NAALADL2: variants seen among roughly 807,000 people sequenced by gnomAD.
NAALADL2 encodes the protein inactive N-acetylated-alpha-linked acidic dipeptidase-like protein 2.
NAALADL2 carries 76 observed loss-of-function variants against 87.2 expected under a neutral mutation model. That is an observed-to-expected ratio of 0.87 (90% CI 0.72 to 1.05). The LOEUF (loss-of-function observed/expected upper bound fraction) is 1.05. Among genes scored for constraint, NAALADL2 ranks in the 50% least tolerant of loss-of-function variants. NAALADL2 has a pLI of 0.00. For missense variants in NAALADL2, 1,089 were observed against 945.8 expected, an observed-to-expected ratio of 1.15 and a Z score of -1.99; for synonymous variants, 354 against 331.0, an observed-to-expected ratio of 1.07 and a Z score of -0.75.
intron 11 of NAALADL2, among the ~76,000 whole-genome samples, chr3:175,628,648 ATTTTTATATTTATG>A (rs1727341022): frequency 7.0e-6 from 1 of 143,168 alleles, no homozygotes; most frequent in Non-Finnish European, 1.5e-5. Flanking sequence ...AATTATTTAT[ATTTTTATATTTATG>A]TATGGATTAT....
At chr3:175,249,668 TAA>T (rs1748651326) in intron 3 of NAALADL2, among the ~76,000 whole-genome samples, 1 of 152,180 alleles carries the variant, frequency 6.6e-6, no homozygotes, top group African/African-American at 2.4e-5. Flanking sequence ...CCTCCCAGTA[TAA>T]AAGTCTTATT....
At chr3:175,070,938 C>G (rs537207179) in intron 1 of NAALADL2, among the ~76,000 whole-genome samples, 9 of 152,104 alleles carry the variant, frequency 5.9e-5, no homozygotes, top group African/African-American at 1.7e-4. Flanking sequence ...GCTCTAGACC[C>G]TTTTTAAGAC....
chr3:175,522,878 C>T (rs1732844515), intron 9 of NAALADL2, among the ~76,000 whole-genome samples: 1 of 152,216 alleles, frequency 6.6e-6, no homozygotes, highest in Non-Finnish European at 1.5e-5. Context: ...AATTTCTCTA[C>T]ATATCCCTTA....
chr3:174,765,145 A>ACACAT lies in NAALADL2; in HGVS notation c.-9+27399_-9+27400insCACAT, dbSNP rs374203584. Among the ~76,000 whole-genome samples the ACACAT allele has an allele frequency of 1.3e-3, 190 of 142,410 alleles. No individual in the cohort carries two copies. In the East Asian group the frequency reaches 0.015, roughly 11 times the overall value. 93.4% of individuals were successfully genotyped at this position (142,410 alleles called of 152,430 possible). ...ACATACACACACACACACACACACGAGAGAGAGAGAGAGAGAGAGAGAGAG... is the reference window on the plus strand; with the variant it reads ...ACATACACACACACACACACACACGACACATGAGAGAGAGAGAGAGAGAGAGAGAG... On this transcript the variant is annotated intron_variant, in intron 3 of 3. Transcript: ENST00000434257.
chr3:175,713,614 G>A (rs1740834642), intron 11 of NAALADL2, among the ~76,000 whole-genome samples: 1 of 152,034 alleles, frequency 6.6e-6, no homozygotes, highest in Non-Finnish European at 1.5e-5. Context: ...AATTGATAAA[G>A]GCAGTTCCTA....
At chr3:174,588,200 G>T (rs185388536) in intron 2 of NAALADL2, among the ~76,000 whole-genome samples, 2 of 152,036 alleles carry the variant, frequency 1.3e-5, no homozygotes, top group African/African-American at 4.8e-5. Flanking sequence ...CGTAGTTCTC[G>T]TGCCATGGTT....
intron 5 of NAALADL2, among the ~76,000 whole-genome samples, chr3:175,326,032 CA>C (rs1221065826): frequency 6.6e-6 from 1 of 152,142 alleles, no homozygotes; most frequent in Non-Finnish European, 1.5e-5. Context: ...CATTTTAAAA[CA>C]TTTTTCACTT....
At chr3:175,328,685 A>G (rs543258147) in intron 5 of NAALADL2, among the ~76,000 whole-genome samples, 1 of 152,294 alleles carries the variant, frequency 6.6e-6, no homozygotes, top group South Asian at 2.1e-4. Context: ...CATTTTAGCC[A>G]AAGACTGAGG....
At chr3:175,105,117 T>G (rs1429824157) in intron 2 of NAALADL2, among the ~76,000 whole-genome samples, 1 of 152,176 alleles carries the variant, frequency 6.6e-6, no homozygotes, top group East Asian at 1.9e-4. Flanking sequence ...AAATACTGTT[T>G]GAGATCTGGC....
chr3:175,153,330 A>G (rs1731829361), intron 2 of NAALADL2, among the ~76,000 whole-genome samples: 1 of 152,132 alleles, frequency 6.6e-6, no homozygotes, highest in Admixed American at 6.6e-5. Context: ...CTGCCCATCT[A>G]ACAAATGATG....
intron 3 of NAALADL2, among the ~76,000 whole-genome samples, chr3:174,846,189 A>G (rs368054048): frequency 3.0e-4 from 45 of 152,292 alleles, no homozygotes; most frequent in East Asian, 1.4e-3. Flanking sequence ...TTTGACTCCA[A>G]TCTGATCCCT....
chr3:174,564,325 G>GT (rs1266584696), intron 2 of NAALADL2, among the ~76,000 whole-genome samples: 1 of 152,096 alleles, frequency 6.6e-6, no homozygotes, highest in African/African-American at 2.4e-5. Flanking sequence ...AGGTCACAGA[G>GT]TAATCAAGGC....
intron 2 of NAALADL2, among the ~76,000 whole-genome samples, chr3:175,162,393 G>A (rs1344261271): frequency 6.6e-6 from 1 of 152,222 alleles, no homozygotes; most frequent in Non-Finnish European, 1.5e-5. Flanking sequence ...GGTTGAAGTC[G>A]TATCAGTATG....
At chr3:174,571,951 G>A (rs1714981419) in intron 2 of NAALADL2, among the ~76,000 whole-genome samples, 2 of 152,096 alleles carry the variant, frequency 1.3e-5, no homozygotes, top group Admixed American at 1.3e-4. Flanking sequence ...TAACCCCATT[G>A]CCTGCAAACT....
At chr3:175,551,549 T>C (rs1167165808) in intron 9 of NAALADL2, among the ~76,000 whole-genome samples, 1 of 152,168 alleles carries the variant, frequency 6.6e-6, no homozygotes, top group Non-Finnish European at 1.5e-5. Flanking sequence ...TTGAGAAGTG[T>C]CATCCCTCTC....
chr3:175,309,541 C>T (rs549107653), intron 4 of NAALADL2, among the ~76,000 whole-genome samples: 4 of 151,378 alleles, frequency 2.6e-5, no homozygotes, highest in African/African-American at 7.3e-5. Context: ...GAAAAAAAAA[C>T]GTGGTTTAAA....
chr3:174,444,514 AGACTT>A (rs761052063), intron 1 of NAALADL2, among the ~76,000 whole-genome samples: 13 of 152,158 alleles, frequency 8.5e-5, no homozygotes, highest in Admixed American at 2.0e-4. Context: ...GCTTAGGAGA[AGACTT>A]AAAGAGAAAG....
intron 1 of NAALADL2, among the ~76,000 whole-genome samples, chr3:174,491,351 C>CCAT (rs1306324752): frequency 3.9e-5 from 6 of 152,134 alleles, no homozygotes; most frequent in Non-Finnish European, 8.8e-5. Context: ...AATTGTAGTT[C>CCAT]ATGGAAGTGT....
chr3:175,384,116 C>G (rs944286053), intron 5 of NAALADL2, among the ~76,000 whole-genome samples: 1 of 152,024 alleles, frequency 6.6e-6, no homozygotes, highest in African/African-American at 2.4e-5. Context: ...TCTCCCCTGC[C>G]TTATTGCTCT....
Sources: gnomAD v4.1 joint callset for allele counts (sites outside exome capture counted in the v4.1 genomes callset) on GRCh38, gnomAD v4.1.1 for gene constraint, MANE v1.5 for transcripts, NCBI Gene and HGNC (gene_info 2026-07-23, HGNC 2026-07-21) for gene names.